PCDH17: variants seen among roughly 807,000 people sequenced by gnomAD.
PCDH17 encodes the protein protocadherin 17.
PCDH17 carries 21 observed loss-of-function variants against 67.7 expected under a neutral mutation model. The observed-to-expected ratio is 0.31, with a 90% CI of 0.22 to 0.45. The LOEUF (loss-of-function observed/expected upper bound fraction) is 0.45. Ranked by LOEUF, PCDH17 falls within the 20% of genes least tolerant of loss-of-function variation. The pLI, the probability that PCDH17 is intolerant of heterozygous loss-of-function variation, is 1.00. For missense variants in PCDH17, 1,471 were observed against 1,564.8 expected, an observed-to-expected ratio of 0.94 and a Z score of 1.01; for synonymous variants, 701 against 656.7, an observed-to-expected ratio of 1.07 and a Z score of -1.03.
intron 3 of PCDH17, among the ~76,000 whole-genome samples, chr13:57,701,872 T>C (rs549250136): frequency 7.6e-4 from 115 of 152,284 alleles, no homozygotes; most frequent in African/African-American, 2.5e-3. Context: ...TTATTTTAAG[T>C]GTATTAAAGT....
intron 3 of PCDH17, among the ~76,000 whole-genome samples, chr13:57,709,926 C>G (rs947033907): frequency 1.3e-5 from 2 of 151,800 alleles, no homozygotes; most frequent in African/African-American, 4.8e-5. Context: ...CATTAATGCT[C>G]TTAGTATTTC....
chr13:57,674,754 A>T (rs1474624864), intron 3 of PCDH17, among the ~76,000 whole-genome samples: 1 of 152,022 alleles, frequency 6.6e-6, no homozygotes, highest in Admixed American at 6.6e-5. Context: ...ACTTAAGGAA[A>T]TAATTTTGTT....
intron 3 of PCDH17, chr13:57,709,837 T>C (rs1418820372): frequency 6.6e-6 from 1 of 152,192 alleles, no homozygotes; most frequent in Non-Finnish European, 1.5e-5. Flanking sequence ...AACTATACAT[T>C]TGCAAGGCAG....
chr13:57,725,044 A>G lies in PCDH17; in HGVS notation c.3230A>G (p.Gln1077Arg). The G allele has an allele frequency of 6.2e-7, 1 of 1,614,154 alleles. No homozygotes were observed. Among genetic ancestry groups the G allele is most frequent in the Non-Finnish European group, 8.5e-7 (1 of 1,180,026 alleles). ...AGTCAGTACTTGCCCACTGACAGTC[A>G]ATATCTGTCACCTAGTAAGCAACCA... is the stretch of plus-strand genomic sequence containing the variant. ...ASSQYLPTDS[Q>R]YLSPSKQPRD... The change falls in exon 4 of 4, where the codon CAA (glutamine) becomes CGA (arginine). Residue 1077 changes from glutamine (Q) to arginine (R), a missense_variant. Coordinates refer to ENST00000377918, the MANE Select transcript of PCDH17 (RefSeq NM_001040429.3).
At chr13:57,691,709 G>C (rs1427440329) in intron 3 of PCDH17, among the ~76,000 whole-genome samples, 1 of 151,136 alleles carries the variant, frequency 6.6e-6, no homozygotes, top group African/African-American at 2.4e-5. Context: ...GTAGAAATGG[G>C]TAAGTTGAAA....
intron 3 of PCDH17, among the ~76,000 whole-genome samples, chr13:57,677,609 A>AG (rs1336758027): frequency 1.3e-5 from 2 of 151,898 alleles, no homozygotes; most frequent in African/African-American, 2.4e-5. Flanking sequence ...GGAGAGGGGT[A>AG]GGAAGCTACA....
chr13:57,713,040 T>C (rs1193745534), intron 3 of PCDH17, among the ~76,000 whole-genome samples: 2 of 151,680 alleles, frequency 1.3e-5, no homozygotes, highest in African/African-American at 4.8e-5. Flanking sequence ...TTTTTATCTT[T>C]ACTGTGATTC....
Position 57,632,673 on chromosome 13 carries a change from C to G in PCDH17, c.127C>G (p.Arg43Gly), listed in dbSNP as rs750317334. The G allele has an allele frequency of 8.7e-6, 14 of 1,611,608 alleles. No homozygotes were observed. Among genetic ancestry groups the G allele is most frequent in the Admixed American group, 6.7e-5 (4 of 59,994 alleles). The change falls in exon 1 of 4, where the codon CGA becomes GGA. Residue 43 changes from arginine to glycine, a missense_variant. Arg to Gly is a moderately radical substitution (Grantham distance 125). This residue lies in a region of PCDH17 where 1,163 missense variants were observed against 1,230.0 expected (regional missense o/e 0.95). Coordinates refer to ENST00000377918, the MANE Select transcript of PCDH17 (RefSeq NM_001040429.3). Reference protein sequence around the residue: ...TVIGNIGRDARLQPGLPPAER... With the variant: ...TVIGNIGRDAGLQPGLPPAER... ...GATCGGGAACATCGGCAGGGATGCT[C>G]GACTGCAGCCTGGGCTTCCGCCTGC...
chr13:57,652,850 A>G (rs1399290340), intron 1 of PCDH17, among the ~76,000 whole-genome samples: 1 of 152,180 alleles, frequency 6.6e-6, no homozygotes, highest in Non-Finnish European at 1.5e-5. Context: ...TGAGGTATCT[A>G]TAGAGTTTGA....
At chr13:57,697,222 G>C (rs926463906) in intron 3 of PCDH17, among the ~76,000 whole-genome samples, 1 of 151,444 alleles carries the variant, frequency 6.6e-6, no homozygotes, top group Admixed American at 6.6e-5. Flanking sequence ...GATCTCATAT[G>C]GCTAGACAGA....
chr13:57,688,679 G>A (rs1180191980), intron 3 of PCDH17, among the ~76,000 whole-genome samples: 1 of 152,036 alleles, frequency 6.6e-6, no homozygotes, highest in Non-Finnish European at 1.5e-5. Flanking sequence ...AGATTTGAAA[G>A]ATTCCACATC....
intron 3 of PCDH17, among the ~76,000 whole-genome samples, chr13:57,676,973 A>G (rs1390670780): frequency 1.3e-5 from 2 of 151,894 alleles, no homozygotes; most frequent in East Asian, 3.9e-4. Flanking sequence ...GAAAGAAGAA[A>G]CATTTACTTG....
chr13:57,662,259 T>C (rs1955192919), intron 1 of PCDH17, among the ~76,000 whole-genome samples: 1 of 152,152 alleles, frequency 6.6e-6, no homozygotes, highest in Admixed American at 6.5e-5. Flanking sequence ...TCATCTCCTA[T>C]CACATATTAA....
At position 57,724,685 on chromosome 13, in the gene PCDH17, G is replaced by A; in HGVS notation, c.2871G>A (p.Gln957=). The change falls in exon 4 of 4, where the codon CAG becomes CAA. Residue 957 remains glutamine (Q), a synonymous_variant. Transcript: ENST00000377918. ...LGHSDRCWMP[Q]FPAANQAENA... ...ATTCTGACAGGTGCTGGATGCCACA[G>A]TTCCCTGCAGCCAATCAGGCTGAAA... 6.2e-7 allele frequency: 1 copy of A among 1,614,052 alleles called. No individual in the cohort carries two copies. The highest frequency in any genetic ancestry group is 2.2e-5 in the East Asian group (1 of 44,852).
chr13:57,635,099 G>T lies in PCDH17; in HGVS notation c.2553G>T (p.Met851Ile). Reference sequence around the variant, plus strand: ...CAAGCGAGACCCCTGCCACTCGGATGTCCATAATTCAGGTAGGAGACTTTT... The same window carrying T: ...CAAGCGAGACCCCTGCCACTCGGATTTCCATAATTCAGGTAGGAGACTTTT... ...TNASETPATR[M>I]SIIQTDNFPA... The change falls in exon 1 of 4, where the codon ATG (methionine) becomes ATT (isoleucine). Residue 851 changes from methionine to isoleucine, a missense_variant. Met to Ile is a conservative substitution (Grantham distance 10, BLOSUM62 1). Coordinates refer to ENST00000377918, the MANE Select transcript of PCDH17 (RefSeq NM_001040429.3). The T allele has an allele frequency of 6.2e-7, 1 of 1,613,326 alleles. No homozygotes were observed. The highest frequency in any genetic ancestry group is 8.5e-7 in the Non-Finnish European group (1 of 1,179,950).
Position 57,725,438 on chromosome 13 carries a change from C to T in PCDH17, c.*144C>T. 1 of 661,014 alleles carries T rather than the reference C, an allele frequency of 1.5e-6. No homozygotes were observed. The highest frequency in any genetic ancestry group is 2.7e-5 in the East Asian group (1 of 36,442). The allele number at this position is 661,014 out of a possible 1,614,324, so 40.9% of individuals were successfully genotyped here. On this transcript the variant is annotated 3_prime_UTR_variant, in exon 4 of 4. Transcript: ENST00000377918. ...TTTTAGTGAACATCTGAAGTGCCCA[C>T]AAGTATGTTCTTTCCACTGCTGATT...
Position 57,633,170 on chromosome 13 carries a change from C to A in PCDH17, c.624C>A (p.His208Gln), listed in dbSNP as rs1438592676. The A allele has an allele frequency of 6.2e-7, 1 of 1,613,300 alleles. No individual in the cohort carries two copies. Among genetic ancestry groups the A allele is most frequent in the African/African-American group, 1.3e-5 (1 of 75,000 alleles). ...CTCTGGACCGCGAGCAACAGAATCA[C>A]CATACGCTCGTGCTGACTGCCCTGG... ...QKALDREQQN[H>Q]HTLVLTALDG... The change falls in exon 1 of 4, where the codon CAC (histidine) becomes CAA (glutamine). Residue 208 changes from histidine (H) to glutamine (Q), a missense_variant. Transcript: ENST00000377918. The surrounding 1 kb of genome is among the most constrained non-coding windows in gnomAD (Gnocchi z 6.2).
At chr13:57,719,352 TC>T (rs1344343603) in intron 3 of PCDH17, among the ~76,000 whole-genome samples, 1 of 152,012 alleles carries the variant, frequency 6.6e-6, no homozygotes, top group Non-Finnish European at 1.5e-5. Context: ...AATGTCCTTT[TC>T]CCCTGGCCAC....
chr13:57,677,576 G>A (rs1010042412), intron 3 of PCDH17, among the ~76,000 whole-genome samples: 1 of 151,710 alleles, frequency 6.6e-6, no homozygotes, highest in Admixed American at 6.6e-5. Flanking sequence ...AGTAAGAACG[G>A]GAAAGCCATA....
Sources: allele counts gnomAD v4.1 joint callset (sites outside exome capture counted in the v4.1 genomes callset), GRCh38; gene constraint gnomAD v4.1.1; regional missense constraint gnomAD v4.1.1; non-coding constraint Gnocchi (gnomAD v3.1); transcripts MANE v1.5; gene names NCBI Gene and HGNC (gene_info 2026-07-23, HGNC 2026-07-21).